CNOT11: variants seen among roughly 807,000 people sequenced by gnomAD.
CNOT11 encodes CCR4-NOT transcription complex subunit 11.
A neutral mutation model predicts 44.6 loss-of-function variants in CNOT11; 18 were observed. The ratio of observed to expected loss-of-function variants is 0.40; its 90% confidence interval spans 0.28 to 0.60. The LOEUF is 0.60. Ranked by LOEUF, CNOT11 falls within the 20% of genes least tolerant of loss-of-function variation. The pLI, the probability that CNOT11 is intolerant of heterozygous loss-of-function variation, is 0.38. For synonymous variants in CNOT11, 291 were observed against 270.9 expected (o/e 1.07, Z -0.73); for missense variants, 513 against 677.0 (o/e 0.76, Z 2.69).
At position 101,261,276 on chromosome 2, in the gene CNOT11, AG is replaced by A. The variant is rs1439011713; in HGVS notation, c.680-1262del. On this transcript the variant is annotated intron_variant, in intron 2 of 6. Transcript: ENST00000289382. ...TTGCTTCCCTCCTGTGCCTGCCTATAGTTTCACTTTGCATGCCCTTGAACTT... is the reference window on the plus strand; with the variant it reads ...TTGCTTCCCTCCTGTGCCTGCCTATATTTCACTTTGCATGCCCTTGAACTT... Among the ~76,000 whole-genome samples, 18 of 152,286 alleles carry A rather than the reference AG, an allele frequency of 1.2e-4. No individual in the cohort carries two copies. In the South Asian group the frequency reaches 3.5e-3, roughly 30 times the overall value.
chr2:101,263,273 C>T (rs1369745804), intron 3 of CNOT11, among the ~76,000 whole-genome samples: 1 of 151,640 alleles, frequency 6.6e-6, no homozygotes, highest in African/African-American at 2.4e-5. Flanking sequence ...TGTAGCAGCT[C>T]ATTATCTTTT....
intron 2 of CNOT11, among the ~76,000 whole-genome samples, chr2:101,260,334 A>G (rs1439790809): frequency 6.6e-6 from 1 of 152,158 alleles, no homozygotes; most frequent in Non-Finnish European, 1.5e-5. Context: ...TAATAAAGTG[A>G]GAATCACATC....
chr2:101,265,124 A>G, intron 4 of CNOT11, 77 bp downstream of exon 4: 6 of 1,038,884 alleles, frequency 5.8e-6, no homozygotes, highest in Non-Finnish European at 8.0e-6. Context: ...TTTTTGAGAC[A>G]GAGTCTCACT....
chr2:101,260,444 A>G (rs1681829626), intron 2 of CNOT11, among the ~76,000 whole-genome samples: 2 of 152,192 alleles, frequency 1.3e-5, no homozygotes, highest in South Asian at 4.1e-4. Context: ...AGGGCTGAGA[A>G]GCCTGGCCGA....
chr2:101,253,075 C>T lies in CNOT11; in HGVS notation c.111C>T (p.Ser37=). The T allele has an allele frequency of 6.6e-7, 1 of 1,516,226 alleles. No individual in the cohort carries two copies. The highest frequency in any genetic ancestry group is 8.8e-7 in the Non-Finnish European group (1 of 1,137,758). 93.9% of individuals were successfully genotyped at this position (1,516,226 alleles called of 1,614,324 possible). A position where few individuals can be genotyped will look rare whatever the true frequency, so the allele number is the denominator to read the frequency against. ...GSASRSGFGG[S]GGGRGGASGP... ...CGTCCAGGAGCGGCTTCGGGGGCTC[C>T]GGCGGCGGCAGAGGCGGAGCAAGCG... is the stretch of plus-strand genomic sequence containing the variant. The change falls in exon 1 of 7, where the codon TCC becomes TCT. Residue 37 remains serine, a synonymous_variant. Coordinates refer to ENST00000289382, the MANE Select transcript of CNOT11 (RefSeq NM_017546.5). The surrounding 1 kb of genome is among the most constrained non-coding windows in gnomAD (Gnocchi z 4.3).
intron 2 of CNOT11, among the ~76,000 whole-genome samples, chr2:101,259,924 T>C (rs1681815520): frequency 1.3e-5 from 2 of 152,054 alleles, no homozygotes; most frequent in Admixed American, 6.5e-5. Context: ...GTGTGTGCAC[T>C]TGTGGTCCCG....
chr2:101,269,940 C>A lies in CNOT11; in HGVS notation c.*527C>A, dbSNP rs1682073079. The A allele has an allele frequency of 6.6e-6, 1 of 152,286 alleles. No homozygotes were observed. The highest frequency in any genetic ancestry group is 2.4e-5 in the African/African-American group (1 of 41,442). 9.4% of individuals were successfully genotyped at this position (152,286 alleles called of 1,614,324 possible). A position where few individuals can be genotyped will look rare whatever the true frequency, so the allele number is the denominator to read the frequency against. On this transcript the variant is annotated 3_prime_UTR_variant, in exon 7 of 7. Transcript: ENST00000289382. The surrounding 1 kb of genome is among the most constrained non-coding windows in gnomAD (Gnocchi z 4.8). ...CACACAGCTCTTAACTCCTGATGAA[C>A]CAAGGATTTACTCATAACTTTCTCC...
intron 3 of CNOT11, among the ~76,000 whole-genome samples, chr2:101,264,037 A>T (rs1681923472): frequency 6.6e-6 from 1 of 152,254 alleles, no homozygotes; most frequent in Non-Finnish European, 1.5e-5. Context: ...GATGATTTTT[A>T]ACTAAAAAAT....
In CNOT11 at chr2:101,269,181, T is replaced by G; in HGVS notation, c.1336-35T>G. 2 of 1,602,458 alleles carry G rather than the reference T, an allele frequency of 1.2e-6. No homozygotes were observed. The highest frequency in any genetic ancestry group is 1.7e-6 in the Non-Finnish European group (2 of 1,174,030). ...ATTTTATAAATGGCTGCCAGGAAAA[T>G]GAGCAGACTAACATTTTTTTTTTTC... On this transcript the variant is annotated intron_variant, in intron 6 of 6. Coordinates refer to ENST00000289382, the MANE Select transcript of CNOT11 (RefSeq NM_017546.5). This position sits in a 1 kb window ranked among gnomAD's most constrained non-coding sequence, Gnocchi z 4.8.
At position 101,264,583 on chromosome 2, in the gene CNOT11, G is replaced by A. The variant is rs74686050; in HGVS notation, c.833-262G>A. On this transcript the variant is annotated intron_variant, in intron 3 of 6. Transcript: ENST00000289382. ...TCAAGTGCAGCATGGGCAGATCACG[G>A]CCAGGCTTTCCTCACTTCTGCAAAG... Among the ~76,000 whole-genome samples the A allele has an allele frequency of 7.0e-3, 1,068 of 152,312 alleles. 5 individuals carry two copies. Among genetic ancestry groups the A allele is most frequent in the Non-Finnish European group, 0.013 (858 of 68,028 alleles).
rs572555889 is a variant in CNOT11, at chr2:101,253,568, T to C, written c.514+90T>C. 81 of 1,135,392 alleles carry C rather than the reference T, an allele frequency of 7.1e-5. 1 individual carries two copies. The South Asian group carries it at 1.2e-3, about 17-fold the overall frequency. The allele number at this position is 1,135,392 out of a possible 1,614,324, so 70.3% of individuals were successfully genotyped here. On this transcript the variant is annotated intron_variant, in intron 1 of 6. Coordinates refer to ENST00000289382, the MANE Select transcript of CNOT11 (RefSeq NM_017546.5). The surrounding 1 kb of genome is among the most constrained non-coding windows in gnomAD (Gnocchi z 4.3). ...GCTGGGAACTCACCTGAAAGGGAAA[T>C]TAACTATCCCTGTGAAATGATCATC... is the stretch of plus-strand genomic sequence containing the variant.
At chr2:101,255,977 A>G (rs1326008537) in intron 1 of CNOT11, among the ~76,000 whole-genome samples, 1 of 152,078 alleles carries the variant, frequency 6.6e-6, no homozygotes, top group Non-Finnish European at 1.5e-5. Flanking sequence ...ATCTCTACCA[A>G]AAAATACAAA....
rs767934680 is a variant in CNOT11 at position 101,264,896 on chromosome 2, A to G, written c.884A>G (p.Glu295Gly). 19 of 1,614,120 alleles carry G rather than the reference A, an allele frequency of 1.2e-5. No individual in the cohort carries two copies. The highest frequency in any genetic ancestry group is 1.6e-5 in the Non-Finnish European group (19 of 1,180,028). The part of the protein sequence containing the change: ...IRPPPPLHIC[E>G]DELAWLNPTE... ...CCACCGCCTCCACTCCACATTTGTG[A>G]GGATGAACTTGCTTGGCTAAACCCC... Residue 295 changes from glutamate (E) to glycine (G), a missense_variant, in exon 4 of 7, where the codon GAG becomes GGG. This residue lies in a region of CNOT11 where 140 missense variants were observed against 169.8 expected (regional missense o/e 0.82). Coordinates refer to ENST00000289382, the MANE Select transcript of CNOT11 (RefSeq NM_017546.5).
intron 5 of CNOT11, among the ~76,000 whole-genome samples, chr2:101,268,199 TCC>T (rs200662624): frequency 8.7e-4 from 109 of 125,356 alleles, no homozygotes; most frequent in South Asian, 1.5e-3. Context: ...GCTGCACATC[TCC>T]CCCCTCTTTG....
rs762245036 is a variant in CNOT11 at position 101,269,376 on chromosome 2, C to CTG, written c.1497_1498dup (p.Gly500ValfsTer38). The CTG allele has an allele frequency of 6.2e-7, 1 of 1,614,060 alleles. No individual in the cohort carries two copies. Among genetic ancestry groups the CTG allele is most frequent in the Non-Finnish European group, 8.5e-7 (1 of 1,179,998 alleles). ...TTCCGGTTGTTGAAGACATTGGATACTGGGGAAACACCTTCTGAGACCAAA... is the reference window on the plus strand; with the variant it reads ...TTCCGGTTGTTGAAGACATTGGATACTGTGGGGAAACACCTTCTGAGACCAAA... On this transcript the variant is annotated frameshift_variant, in exon 7 of 7. Transcript: ENST00000289382. LOFTEE classifies it high-confidence loss of function. The surrounding 1 kb of genome is among the most constrained non-coding windows in gnomAD (Gnocchi z 4.8).
Position 101,269,502 on chromosome 2 carries a change from GT to G in CNOT11, c.*92del. On this transcript the variant is annotated 3_prime_UTR_variant, in exon 7 of 7. Coordinates refer to ENST00000289382, the MANE Select transcript of CNOT11 (RefSeq NM_017546.5). The surrounding 1 kb of genome is among the most constrained non-coding windows in gnomAD (Gnocchi z 4.8). ...GTTAAAACCCTGAGTGGATTGCTTG[GT>G]TTAATGCATATAAACAGTACTTTAT... The G allele has an allele frequency of 8.7e-7, 1 of 1,150,748 alleles. No homozygotes were observed. The highest frequency in any genetic ancestry group is 1.3e-6 in the Non-Finnish European group (1 of 790,884). The allele number at this position is 1,150,748 out of a possible 1,614,324, so 71.3% of individuals were successfully genotyped here. A position where few individuals can be genotyped will look rare whatever the true frequency, so the allele number is the denominator to read the frequency against.
intron 4 of CNOT11, 36 bp from the exon 5 acceptor site, chr2:101,266,641 T>C: frequency 6.6e-7 from 1 of 1,516,832 alleles, no homozygotes; most frequent in South Asian, 1.1e-5. Context: ...CCTTTCTCTC[T>C]CCCTCTCTCT....
At position 101,265,086 on chromosome 2, in the gene CNOT11, TA is replaced by T. The variant is rs376444821; in HGVS notation, c.1035+42del. On this transcript the variant is annotated intron_variant, in intron 4 of 6. Transcript: ENST00000289382. ...GTAAGCATTTTCTTATCTTTTTTTT[TA>T]AATTTATTTTTAATTAAAAAAATTT... is the stretch of plus-strand genomic sequence containing the variant. The T allele has an allele frequency of 2.0e-3, 2,576 of 1,299,202 alleles. 7 individuals are homozygous for T. The highest frequency in any genetic ancestry group is 2.3e-3 in the Non-Finnish European group (2,236 of 965,082). 80.5% of individuals were successfully genotyped at this position (1,299,202 alleles called of 1,614,324 possible).
intron 1 of CNOT11, among the ~76,000 whole-genome samples, chr2:101,257,127 T>G (rs1681751098): frequency 6.6e-6 from 1 of 151,798 alleles, no homozygotes; most frequent in Non-Finnish European, 1.5e-5. Context: ...GCACGGTGAC[T>G]CATGCCTGTA....
Sources: allele counts gnomAD v4.1 joint callset (sites outside exome capture counted in the v4.1 genomes callset), GRCh38; gene constraint gnomAD v4.1.1; regional missense constraint gnomAD v4.1.1; non-coding constraint Gnocchi (gnomAD v3.1); transcripts MANE v1.5; gene names NCBI Gene and HGNC (gene_info 2026-07-23, HGNC 2026-07-21).